PEAK1: variants seen among roughly 807,000 people sequenced by gnomAD.
PEAK1 encodes inactive tyrosine-protein kinase PEAK1.
PEAK1 carries 54 observed loss-of-function variants against 124.7 expected under a neutral mutation model. That is an observed-to-expected ratio of 0.43 (90% CI 0.35 to 0.54). The LOEUF (loss-of-function observed/expected upper bound fraction) is 0.54. Among genes scored for constraint, PEAK1 ranks in the 20% least tolerant of loss-of-function variants. The pLI, the probability that PEAK1 is intolerant of heterozygous loss-of-function variation, is 0.01. For synonymous variants in PEAK1, 719 were observed against 760.0 expected, an observed-to-expected ratio of 0.95 and a Z score of 0.89; for missense variants, 2,046 against 2,134.5, an observed-to-expected ratio of 0.96 and a Z score of 0.82.
chr15:77,208,014 G>A (rs2058742936), intron 6 of PEAK1, among the ~76,000 whole-genome samples: 1 of 152,174 alleles, frequency 6.6e-6, no homozygotes, highest in East Asian at 1.9e-4. Context: ...ACAAGGCTCT[G>A]AGTGTGGCTT....
chr15:77,350,973 C>T, intron 2 of PEAK1: 1 of 982,016 alleles, frequency 1.0e-6, no homozygotes, highest in Non-Finnish European at 1.2e-6. Flanking sequence ...ATTCAATACA[C>T]ATCTATTAAG....
intron 1 of PEAK1, among the ~76,000 whole-genome samples, chr15:77,415,886 C>T (rs1463831745): frequency 6.6e-6 from 1 of 152,190 alleles, no homozygotes; most frequent in African/African-American, 2.4e-5. Flanking sequence ...TGGCTCTTTC[C>T]AGGCTCACAT....
chr15:77,244,861 CAT>C lies in PEAK1; in HGVS notation c.-115+7504_-115+7505del, dbSNP rs1222362927. Among the ~76,000 whole-genome samples, 5 of 152,198 alleles carry C rather than the reference CAT, an allele frequency of 3.3e-5. No homozygotes were observed. The East Asian group carries it at 9.7e-4, about 29-fold the overall frequency. On this transcript the variant is annotated intron_variant, in intron 6 of 9. Coordinates refer to ENST00000682557, the MANE Select transcript of PEAK1 (RefSeq NM_001385026.1). ...TGCCTCAGCCTCAGGTGTGAGCCAC[CAT>C]ACTTGGCCTCAAAGGACCTTTATAA...
In PEAK1 at chr15:77,401,584, C is replaced by T. The variant is rs941806837; in HGVS notation, c.-666+18422G>A. On this transcript the variant is annotated intron_variant, in intron 1 of 9. Coordinates refer to ENST00000682557, the MANE Select transcript of PEAK1 (RefSeq NM_001385026.1). ...AACACAAAAATTGTAGCTTATAGAT[C>T]AATTAAACTCCCAAATCAGCTACAA... 4.1e-6 allele frequency: 4 copies of T among 980,180 alleles called. No homozygotes were observed. In the African/African-American group the frequency reaches 7.0e-5, roughly 17 times the overall value. The allele number at this position is 980,180 out of a possible 1,614,324, so 60.7% of individuals were successfully genotyped here. A position where few individuals can be genotyped will look rare whatever the true frequency, so the allele number is the denominator to read the frequency against.
At chr15:77,207,558 G>A (rs1388777887) in intron 6 of PEAK1, among the ~76,000 whole-genome samples, 1 of 152,178 alleles carries the variant, frequency 6.6e-6, no homozygotes, top group Non-Finnish European at 1.5e-5. Context: ...TTAAGTGAAA[G>A]AGGCCAATCA....
At chr15:77,241,168 A>G (rs1176498565) in intron 6 of PEAK1, among the ~76,000 whole-genome samples, 2 of 152,212 alleles carry the variant, frequency 1.3e-5, no homozygotes, top group Non-Finnish European at 2.9e-5. Flanking sequence ...GAATATACAG[A>G]AAGTCCAAAA....
intron 2 of PEAK1, among the ~76,000 whole-genome samples, chr15:77,343,482 C>CCT (rs2066668916): frequency 1.0e-5 from 1 of 97,954 alleles, no homozygotes; most frequent in Admixed American, 1.1e-4. Context: ...GTCCAACTTA[C>CCT]TTTTTTTTTT....
chr15:77,143,207 A>G (rs1038411958), intron 8 of PEAK1, among the ~76,000 whole-genome samples: 7 of 152,150 alleles, frequency 4.6e-5, no homozygotes, highest in African/African-American at 1.7e-4. Context: ...TTACAAGACA[A>G]CAGAAGTATG....
chr15:77,312,892 A>G (rs1367393517), intron 2 of PEAK1, among the ~76,000 whole-genome samples: 2 of 152,244 alleles, frequency 1.3e-5, no homozygotes, highest in African/African-American at 4.8e-5. Context: ...GAAGGGAAGG[A>G]CAAGGTAGTT....
At chr15:77,168,246 C>CACACAT (rs1001494794) in intron 7 of PEAK1, among the ~76,000 whole-genome samples, 3 of 151,568 alleles carry the variant, frequency 2.0e-5, no homozygotes, top group Admixed American at 6.6e-5. Context: ...CGCACACACA[C>CACACAT]ACACACACAC....
At chr15:77,345,240 A>T (rs1174587138) in intron 2 of PEAK1, among the ~76,000 whole-genome samples, 1 of 152,076 alleles carries the variant, frequency 6.6e-6, no homozygotes, top group African/African-American at 2.4e-5. Flanking sequence ...AGTGTTTTTT[A>T]TCGTGAAAGG....
At chr15:77,313,692 G>GTGTGTGTGTATATA (rs34603921) in intron 2 of PEAK1, among the ~76,000 whole-genome samples, 1 of 98,810 alleles carries the variant, frequency 1.0e-5, no homozygotes, top group African/African-American at 4.1e-5. Flanking sequence ...GTGTGTGTGT[G>GTGTGTGTGTATATA]TATATATATA....
chr15:77,413,859 T>C (rs1270941641), intron 1 of PEAK1, among the ~76,000 whole-genome samples: 2 of 152,218 alleles, frequency 1.3e-5, no homozygotes, highest in African/African-American at 4.8e-5. Flanking sequence ...GGTCTTACTC[T>C]GTTGCCCAGA....
At chr15:77,420,855 C>A (rs1370537980), upstream of PEAK1, 4 of 398,588 alleles carry the variant, frequency 1.0e-5, no homozygotes, top group Non-Finnish European at 1.8e-5. Context: ...GGAAAGGACA[C>A]CAAAATAAAG....
chr15:77,232,384 T>A (rs566588254), intron 6 of PEAK1, among the ~76,000 whole-genome samples: 20 of 152,202 alleles, frequency 1.3e-4, no homozygotes, highest in Non-Finnish European at 1.9e-4. Context: ...AAATCTCAAA[T>A]GGGGATTTAA....
rs1053408419 is a variant in PEAK1, at chr15:77,337,227, A to G, written c.-603+27936T>C. ...TCCAAATAAACTCAGCCAAGACAAG[A>G]TAATACAGACATGAAAGCTCCACTA... is the stretch of plus-strand genomic sequence containing the variant. On this transcript the variant is annotated intron_variant, in intron 2 of 9. Coordinates refer to ENST00000682557, the MANE Select transcript of PEAK1 (RefSeq NM_001385026.1). 9.1e-6 allele frequency: 9 copies of G among 984,870 alleles called. No individual in the cohort carries two copies. The African/African-American group carries it at 1.0e-4, about 11-fold the overall frequency. 61.0% of individuals were successfully genotyped at this position (984,870 alleles called of 1,614,324 possible). A position where few individuals can be genotyped will look rare whatever the true frequency, so the allele number is the denominator to read the frequency against.
chr15:77,357,228 C>T (rs1451043857), intron 2 of PEAK1, among the ~76,000 whole-genome samples: 2 of 152,206 alleles, frequency 1.3e-5, no homozygotes, highest in Non-Finnish European at 2.9e-5. Context: ...TGTGATCATG[C>T]CATTGCTCTT....
intron 6 of PEAK1, among the ~76,000 whole-genome samples, chr15:77,249,854 TAAATC>T (rs1289467367): frequency 6.6e-6 from 1 of 152,062 alleles, no homozygotes; most frequent in Non-Finnish European, 1.5e-5. Flanking sequence ...TAGGTACACT[TAAATC>T]AATAACAGAG....
At chr15:77,376,667 A>G (rs961551571) in intron 1 of PEAK1, among the ~76,000 whole-genome samples, 12 of 152,226 alleles carry the variant, frequency 7.9e-5, no homozygotes, top group African/African-American at 2.9e-4. Flanking sequence ...TCATAATGAA[A>G]AATTTAAAGA....
Sources: gnomAD v4.1 joint callset for allele counts (sites outside exome capture counted in the v4.1 genomes callset) on GRCh38, gnomAD v4.1.1 for gene constraint, MANE v1.5 for transcripts, NCBI Gene and HGNC (gene_info 2026-07-23, HGNC 2026-07-21) for gene names.